The following HINFP variants were observed in gnomAD, a reference collection of about 807,000 sequenced individuals.
The protein encoded by HINFP is MBD2 (methyl-CpG-binding protein)-interacting zinc finger protein.
A neutral mutation model predicts 50.1 loss-of-function variants in HINFP; 20 were observed. The ratio of observed to expected loss-of-function variants is 0.40; its 90% CI spans 0.28 to 0.58. The LOEUF is 0.58. Ranked by LOEUF, HINFP falls within the 20% of genes least tolerant of loss-of-function variation. HINFP has a pLI of 0.45. For synonymous variants in HINFP, 247 were observed against 243.7 expected (o/e 1.01, Z -0.13); for missense variants, 505 against 664.1 (o/e 0.76, Z 2.63).
intron 9 of HINFP, 56 bp downstream of exon 9, chr11:119,133,275 A>G: frequency 6.2e-7 from 1 of 1,601,854 alleles, no homozygotes; most frequent in Admixed American, 1.7e-5. Flanking sequence ...TACCTTTTCA[A>G]CCAGTTTTAA....
Position 119,131,063 on chromosome 11 carries a change from T to G in HINFP, c.411+109T>G. 1 of 898,288 alleles carries G rather than the reference T, an allele frequency of 1.1e-6. No homozygotes were observed. The highest frequency in any genetic ancestry group is 1.8e-6 in the Non-Finnish European group (1 of 546,168). The allele number at this position is 898,288 out of a possible 1,614,324, so 55.6% of individuals were successfully genotyped here. On this transcript the variant is annotated intron_variant, in intron 3 of 9. Transcript: ENST00000350777. The surrounding 1 kb of genome is among the most constrained non-coding windows in gnomAD (Gnocchi z 4.2). ...TATTTCCAAGATTCCTGCTAGTATC[T>G]CTCTTCCATTTCTTTTGCTCTTTTA...
intron 2 of HINFP, among the ~76,000 whole-genome samples, chr11:119,128,823 C>T (rs1210331392): frequency 2.6e-5 from 4 of 151,830 alleles, no homozygotes; most frequent in Non-Finnish European, 5.9e-5. Flanking sequence ...CTCAGCCTCC[C>T]GAGTAGCTGG....
intron 1 of HINFP, chr11:119,125,603 G>A (rs2135027445): frequency 6.6e-6 from 1 of 152,290 alleles, no homozygotes; most frequent in South Asian, 2.1e-4. Context: ...CCTGAGCCTG[G>A]GGAGGTCGAA....
chr11:119,134,188 T>C lies in HINFP; in HGVS notation c.1244T>C (p.Leu415Pro). The C allele has an allele frequency of 6.2e-7, 1 of 1,614,174 alleles. No homozygotes were observed. The highest frequency in any genetic ancestry group is 8.5e-7 in the Non-Finnish European group (1 of 1,180,040). ...CGGCAACCACAAGAGGGATCGGGCC[T>C]GGGAACGTCGCTGAACGAGAGCAGC... is the stretch of plus-strand genomic sequence containing the variant. Reference protein sequence around the residue: ...LLRQPQEGSGLGTSLNESSLQ... With the variant: ...LLRQPQEGSGPGTSLNESSLQ... The change falls in exon 10 of 10, where the codon CTG (leucine) becomes CCG (proline). Residue 415 changes from leucine (L) to proline (P), a missense_variant. Coordinates refer to ENST00000350777, the MANE Select transcript of HINFP (RefSeq NM_198971.3). This position sits in a 1 kb window ranked among gnomAD's most constrained non-coding sequence, Gnocchi z 4.3.
intron 1 of HINFP, chr11:119,125,034 T>TGTG (rs1565788209): frequency 7.7e-6 from 1 of 130,228 alleles, no homozygotes; most frequent in Non-Finnish European, 1.7e-5. Flanking sequence ...TGTGTGTGTG[T>TGTG]GTTTTTTTTT....
chr11:119,129,490 C>CTTTTTTTTTTTTTTTTTTTTTTTTTTTT (rs59395600), intron 2 of HINFP, among the ~76,000 whole-genome samples: 15 of 124,180 alleles, frequency 1.2e-4, no homozygotes, highest in South Asian at 3.4e-4. Context: ...TTTTTCTTTT[C>CTTTTTTTTTTTTTTTTTTTTTTTTTTTT]TTTTTTTTTT....
intron 1 of HINFP, chr11:119,125,659 C>T (rs1296859063): frequency 6.6e-6 from 1 of 152,108 alleles, no homozygotes; most frequent in African/African-American, 2.4e-5. Flanking sequence ...GCCTGGGTGA[C>T]AGGGTGAGAC....
Position 119,132,971 on chromosome 11 carries a change from C to T in HINFP, c.983C>T (p.Ser328Phe), listed in dbSNP as rs1428459708. The change falls in exon 8 of 10, where the codon TCT becomes TTT. Residue 328 changes from serine (S) to phenylalanine (F), a missense_variant. By Grantham distance (155) the Ser-to-Phe change is radical (BLOSUM62 -2). Coordinates refer to ENST00000350777, the MANE Select transcript of HINFP (RefSeq NM_198971.3). The stretch of plus-strand genomic sequence containing the variant: ...ACCTTCAGTGCCCGATCCCTCTGCT[C>T]TATCAAGTCCCATTACCGCAAAGTA... ...NCTFSARSLC[S>F]IKSHYRKVHE... 1 of 1,614,240 alleles carries T rather than the reference C, an allele frequency of 6.2e-7. No homozygotes were observed. The highest frequency in any genetic ancestry group is 8.5e-7 in the Non-Finnish European group (1 of 1,180,046).
At position 119,132,488 on chromosome 11, in the gene HINFP, C is replaced by T. The variant is rs769507372; in HGVS notation, c.677-8C>T. On this transcript the variant is annotated splice_polypyrimidine_tract_variant and splice_region_variant and intron_variant, in intron 5 of 9. Transcript: ENST00000350777. The stretch of plus-strand genomic sequence containing the variant: ...CAGCCCTCCTTTCTTCTGCCTGCCC[C>T]ACCCCAGAGCAGCACTTCCAGTGTT... 3 of 1,614,016 alleles carry T rather than the reference C, an allele frequency of 1.9e-6. No homozygotes were observed. In the South Asian group the frequency reaches 3.3e-5, roughly 18 times the overall value.
At position 119,130,882 on chromosome 11, in the gene HINFP, C is replaced by T. The variant is rs557100172; in HGVS notation, c.339C>T (p.Ile113=). ...GCCAGGCTGACCTTGGCCCCTGCAT[C>T]CTGGACTTCCAGAGCCGGAACGTCA... The part of the protein sequence containing the change: ...LQSQADLGPC[I]LDFQSRNVIP... The change falls in exon 3 of 10, where the codon ATC becomes ATT. Residue 113 remains isoleucine (I), a synonymous_variant. Transcript: ENST00000350777. 1.4e-4 allele frequency: 223 copies of T among 1,614,220 alleles called. 3 individuals carry two copies. The South Asian group carries it at 2.0e-3, about 14-fold the overall frequency.
intron 5 of HINFP, 103 bp downstream of exon 5, chr11:119,132,085 G>T: frequency 7.5e-7 from 1 of 1,325,926 alleles, no homozygotes; most frequent in East Asian, 2.3e-5. Context: ...CTGCCTTTTG[G>T]CTGCCTCTTC....
intron 5 of HINFP, 83 bp from the exon 6 acceptor site, chr11:119,132,413 C>T: frequency 2.1e-6 from 3 of 1,415,368 alleles, no homozygotes; most frequent in Non-Finnish European, 3.0e-6. Flanking sequence ...TGGTTCCCTT[C>T]TGCCTGGGAT....
chr11:119,124,683 T>C (rs1197753680), intron 1 of HINFP: 1 of 152,104 alleles, frequency 6.6e-6, no homozygotes. Flanking sequence ...AGATCTAAAA[T>C]TGAGAGCTAC....
chr11:119,134,820 C>T lies in HINFP; in HGVS notation c.*322C>T, dbSNP rs1040140016. ...TGACAGTGATTAAATCCTTAGCTCA[C>T]ATCCATTCCCATCTTTCGGGCTCCT... is the stretch of plus-strand genomic sequence containing the variant. On this transcript the variant is annotated 3_prime_UTR_variant, in exon 10 of 10. Transcript: ENST00000350777. This position sits in a 1 kb window ranked among gnomAD's most constrained non-coding sequence, Gnocchi z 4.3. 2.9e-4 allele frequency: 64 copies of T among 221,694 alleles called. No individual in the cohort carries two copies. The highest frequency in any genetic ancestry group is 1.4e-3 in the African/African-American group (61 of 44,562). The allele number at this position is 221,694 out of a possible 1,614,324, so 13.7% of individuals were successfully genotyped here.
rs1348933028 is a variant in HINFP at position 119,129,617 on chromosome 11, A to G, written c.182-1108A>G. Among the ~76,000 whole-genome samples the G allele has an allele frequency of 3.3e-5, 5 of 150,882 alleles. No individual in the cohort carries two copies. The East Asian group carries it at 9.8e-4, about 30-fold the overall frequency. On this transcript the variant is annotated intron_variant, in intron 2 of 9. Coordinates refer to ENST00000350777, the MANE Select transcript of HINFP (RefSeq NM_198971.3). ...CTGGGACTACAGGCGCCCACCACCA[A>G]GCCCAGCTAATTTTTTTTTGTATTT...
chr11:119,131,813 T>C lies in HINFP; in HGVS notation c.524-17T>C, dbSNP rs1413821029. Reference sequence around the variant, plus strand: ...CTGGGGTTTTGTGGCAGGAGACTGATAGGGCTTCCTTCCCAGGCTGTACCT... The same window carrying C: ...CTGGGGTTTTGTGGCAGGAGACTGACAGGGCTTCCTTCCCAGGCTGTACCT... On this transcript the variant is annotated splice_polypyrimidine_tract_variant and intron_variant, in intron 4 of 9. Transcript: ENST00000350777. The surrounding 1 kb of genome is among the most constrained non-coding windows in gnomAD (Gnocchi z 4.2). 1 of 1,613,250 alleles carries C rather than the reference T, an allele frequency of 6.2e-7. No homozygotes were observed. The highest frequency in any genetic ancestry group is 8.5e-7 in the Non-Finnish European group (1 of 1,179,842).
chr11:119,133,095 G>A lies in HINFP; in HGVS notation c.1015G>A (p.Gly339Arg), dbSNP rs140750781. 3.1e-6 allele frequency: 5 copies of A among 1,614,096 alleles called. No homozygotes were observed. The African/African-American group carries it at 6.7e-5, about 22-fold the overall frequency. ...CATTTCTCCCTTCCTTCCCCATCAG[G>A]GAGACTCTGAGCCAAGGTACAAATG... The part of the protein sequence containing the change: ...IKSHYRKVHE[G>R]DSEPRYKCHV... The change falls in exon 9 of 10, where the codon GGA becomes AGA. Residue 339 changes from glycine to arginine, a missense_variant and splice_region_variant. Transcript: ENST00000350777.
intron 2 of HINFP, 90 bp from the exon 3 acceptor site, chr11:119,130,635 G>C: frequency 8.6e-7 from 1 of 1,156,902 alleles, no homozygotes. Flanking sequence ...CACGAGTCCA[G>C]CCTCCTCACT....
rs1196771858 is a variant in HINFP at position 119,134,894 on chromosome 11, GT to G, written c.*397del. 6.1e-6 allele frequency: 1 copy of G among 164,882 alleles called. No individual in the cohort carries two copies. Among genetic ancestry groups the G allele is most frequent in the African/African-American group, 2.4e-5 (1 of 41,846 alleles). The allele number at this position is 164,882 out of a possible 1,614,324, so 10.2% of individuals were successfully genotyped here. Reference sequence around the variant, plus strand: ...TGGTCCCTGCAAGGGTCCTTTCTTTGTCACCAGCCAAGGCATTGATAACCAA... The same window carrying G: ...TGGTCCCTGCAAGGGTCCTTTCTTTGCACCAGCCAAGGCATTGATAACCAA... On this transcript the variant is annotated 3_prime_UTR_variant, in exon 10 of 10. Coordinates refer to ENST00000350777, the MANE Select transcript of HINFP (RefSeq NM_198971.3). This position sits in a 1 kb window ranked among gnomAD's most constrained non-coding sequence, Gnocchi z 4.3.
Sources: allele counts gnomAD v4.1 joint callset (sites outside exome capture counted in the v4.1 genomes callset), GRCh38; gene constraint gnomAD v4.1.1; non-coding constraint Gnocchi (gnomAD v3.1); transcripts MANE v1.5; gene names NCBI Gene and HGNC (gene_info 2026-07-23, HGNC 2026-07-21).